The following GRID1 variants were observed in gnomAD, a reference collection of about 807,000 sequenced individuals.
GRID1 encodes the protein glutamate receptor ionotropic, delta-1.
GRID1 carries 28 observed loss-of-function variants against 98.0 expected under a neutral mutation model. The ratio of observed to expected loss-of-function variants is 0.29; its 90% confidence interval spans 0.21 to 0.39. GRID1 has a LOEUF of 0.39. GRID1 is among the 10% of genes least tolerant of loss of function. GRID1 has a pLI of 1.00. For synonymous variants in GRID1, 553 were observed against 538.5 expected, an observed-to-expected ratio of 1.03 and a Z score of -0.37; for missense variants, 1,111 against 1,340.5, an observed-to-expected ratio of 0.83 and a Z score of 2.67.
At chr10:86,050,826 G>A (rs1351926871) in intron 4 of GRID1, among the ~76,000 whole-genome samples, 2 of 151,390 alleles carry the variant, frequency 1.3e-5, no homozygotes, top group Non-Finnish European at 2.9e-5. Flanking sequence ...CTGTGTTTTG[G>A]GCACTAGATG....
intron 10 of GRID1, among the ~76,000 whole-genome samples, chr10:85,726,119 A>T (rs1161597598): frequency 6.6e-6 from 1 of 152,190 alleles, no homozygotes. Flanking sequence ...GGGACAGGGG[A>T]CACTCCCTTC....
intron 4 of GRID1, among the ~76,000 whole-genome samples, chr10:86,039,894 G>A (rs1371894036): frequency 6.6e-6 from 1 of 152,178 alleles, no homozygotes; most frequent in Non-Finnish European, 1.5e-5. Flanking sequence ...ATTAGCCCTT[G>A]GAAGCCAGAA....
chr10:86,180,691 G>A (rs1441901626), intron 3 of GRID1, among the ~76,000 whole-genome samples: 1 of 152,154 alleles, frequency 6.6e-6, no homozygotes, highest in African/African-American at 2.4e-5. Context: ...TGAGCTGCAG[G>A]CAGGAACAAG....
chr10:85,647,129 G>A, intron 13 of GRID1, 73 bp downstream of exon 13: 2 of 1,199,936 alleles, frequency 1.7e-6, no homozygotes, highest in East Asian at 4.7e-5. Flanking sequence ...CCCTGGAGGT[G>A]TCTCCCACCT....
At chr10:86,163,749 T>C (rs1214609255) in intron 3 of GRID1, among the ~76,000 whole-genome samples, 1 of 152,176 alleles carries the variant, frequency 6.6e-6, no homozygotes, top group Non-Finnish European at 1.5e-5. Flanking sequence ...ACAATGTTTG[T>C]TGAGTCCCCA....
intron 12 of GRID1, among the ~76,000 whole-genome samples, chr10:85,688,985 C>A (rs1281731813): frequency 6.6e-6 from 1 of 152,150 alleles, no homozygotes; most frequent in African/African-American, 2.4e-5. Flanking sequence ...GGCAGCTTGT[C>A]AGGTTTCATT....
rs370489530 is a variant in GRID1 at position 86,213,896 on chromosome 10, C to T, written c.236-7248G>A. On this transcript the variant is annotated intron_variant, in intron 2 of 15. Transcript: ENST00000327946. ...TCCCATCCACCCACCAGTTCCTAAC[C>T]CTTCTCTCTCACTGGCCCTCTGCAC... Among the ~76,000 whole-genome samples, 20 of 152,192 alleles carry T rather than the reference C, an allele frequency of 1.3e-4. No individual in the cohort carries two copies. In the East Asian group the frequency reaches 2.7e-3, roughly 21 times the overall value.
chr10:86,277,421 C>G lies in GRID1; in HGVS notation c.236-70773G>C, dbSNP rs115940860. Among the ~76,000 whole-genome samples the G allele has an allele frequency of 8.6e-3, 1,309 of 152,242 alleles. 27 individuals are homozygous for G. Among genetic ancestry groups the G allele is most frequent in the African/African-American group, 0.029 (1,200 of 41,552 alleles). ...ATGCAAAGGTAACTACACGGGCAAA[C>G]ATAAAAGCCATTCTTGAATTTTTAG... On this transcript the variant is annotated intron_variant, in intron 2 of 15. Coordinates refer to ENST00000327946, the MANE Select transcript of GRID1 (RefSeq NM_017551.3).
chr10:85,820,758 T>C (rs1229661605), intron 8 of GRID1, among the ~76,000 whole-genome samples: 1 of 152,196 alleles, frequency 6.6e-6, no homozygotes, highest in East Asian at 1.9e-4. Flanking sequence ...TTTAAACTTA[T>C]CTATACTACA....
At chr10:86,294,644 T>C (rs1308577881) in intron 2 of GRID1, among the ~76,000 whole-genome samples, 2 of 152,150 alleles carry the variant, frequency 1.3e-5, no homozygotes, top group African/African-American at 4.8e-5. Context: ...AGCACCCAGC[T>C]TGGGGACATG....
intron 8 of GRID1, among the ~76,000 whole-genome samples, chr10:85,824,385 T>A (rs1842800071): frequency 1.3e-5 from 2 of 152,110 alleles, no homozygotes; most frequent in African/African-American, 2.4e-5. Context: ...TTAATTTTTG[T>A]ATTTCTAGTA....
At chr10:86,095,276 C>G (rs947750117) in intron 4 of GRID1, among the ~76,000 whole-genome samples, 2 of 152,138 alleles carry the variant, frequency 1.3e-5, no homozygotes, top group Non-Finnish European at 2.9e-5. Flanking sequence ...TGGAAAAACT[C>G]TTCCAGACAT....
At chr10:86,226,694 C>T (rs1846356178) in intron 2 of GRID1, among the ~76,000 whole-genome samples, 1 of 141,676 alleles carries the variant, frequency 7.1e-6, no homozygotes, top group South Asian at 2.4e-4. Context: ...TTGGCAGCAA[C>T]AGGAGTCACC....
intron 2 of GRID1, among the ~76,000 whole-genome samples, chr10:86,216,974 G>C (rs1331971939): frequency 2.0e-5 from 3 of 152,160 alleles, no homozygotes; most frequent in African/African-American, 4.8e-5. Context: ...AAGAGGATAA[G>C]GTTATGGCAG....
intron 4 of GRID1, among the ~76,000 whole-genome samples, chr10:85,941,215 G>A (rs1353283213): frequency 2.0e-5 from 3 of 152,060 alleles, no homozygotes; most frequent in African/African-American, 4.8e-5. Flanking sequence ...TCTGACCCTC[G>A]TTTTCTCATC....
chr10:86,125,520 G>A lies in GRID1; in HGVS notation c.726+13299C>T, dbSNP rs75626285. Among the ~76,000 whole-genome samples, 792 of 152,334 alleles carry A rather than the reference G, an allele frequency of 5.2e-3. 8 individuals carry two copies. The highest frequency in any genetic ancestry group is 0.018 in the African/African-American group (754 of 41,568). ...GGTTAAAGAGCTCAGTTCACATTTA[G>A]AGTAGAATTTGAGCAATGGTGGATA... On this transcript the variant is annotated intron_variant, in intron 4 of 15. Transcript: ENST00000327946.
chr10:86,295,934 T>A (rs1240438143), intron 2 of GRID1, among the ~76,000 whole-genome samples: 2 of 152,208 alleles, frequency 1.3e-5, no homozygotes, highest in African/African-American at 4.8e-5. Flanking sequence ...AAACACCTCA[T>A]CCATCCCCCC....
At chr10:86,060,580 C>A (rs528891051) in intron 4 of GRID1, among the ~76,000 whole-genome samples, 26 of 152,318 alleles carry the variant, frequency 1.7e-4, no homozygotes, top group Admixed American at 5.2e-4. Context: ...CCATCTGCCC[C>A]GCTCTAAAGC....
At chr10:85,966,038 G>A (rs139185678) in intron 4 of GRID1, among the ~76,000 whole-genome samples, 120 of 152,264 alleles carry the variant, frequency 7.9e-4, no homozygotes, top group Middle Eastern at 6.8e-3. Flanking sequence ...AGTTTGGAGC[G>A]TCTTAAAAAG....
Sources: gnomAD v4.1 joint callset for allele counts (sites outside exome capture counted in the v4.1 genomes callset) on GRCh38, gnomAD v4.1.1 for gene constraint, MANE v1.5 for transcripts, NCBI Gene and HGNC (gene_info 2026-07-23, HGNC 2026-07-21) for gene names.